SPDYE14: variants seen among roughly 807,000 people sequenced by gnomAD.
SPDYE14 encodes the protein speedy protein E14.
chr7:75,247,461 AAAAAGAGAAAG>A, the SPDYE14 span, among the ~76,000 whole-genome samples: 1 of 115,736 alleles, frequency 8.6e-6, no homozygotes, highest in Admixed American at 9.3e-5. Context: ...AGAAAGAAAG[AAAAAGAGAAAG>A]AAAGAAAGAA....
the SPDYE14 span, among the ~76,000 whole-genome samples, chr7:75,262,818 C>CAACA: frequency 7.9e-5 from 4 of 50,752 alleles, 2 homozygotes; most frequent in Non-Finnish European, 1.9e-4. Flanking sequence ...TCTGTCTCAA[C>CAACA]AACAAACAAA....
At chr7:75,268,894 AAAG>A in the SPDYE14 span, among the ~76,000 whole-genome samples, 1 of 22,132 alleles carries the variant, frequency 4.5e-5, no homozygotes, top group African/African-American at 9.1e-5. Flanking sequence ...AGAGAGAGAG[AAAG>A]GAAATGGCCA....
the SPDYE14 span, among the ~76,000 whole-genome samples, chr7:75,266,149 C>CTTTTTT: frequency 2.0e-4 from 2 of 10,146 alleles, no homozygotes; most frequent in Admixed American, 1.6e-3. Context: ...CTTTCTTTTC[C>CTTTTTT]TTTTTTTTTT....
the SPDYE14 span, among the ~76,000 whole-genome samples, chr7:75,240,675 G>T: frequency 3.2e-5 from 2 of 62,886 alleles, 1 homozygote; most frequent in African/African-American, 9.0e-5. Context: ...CTAAAGGCAA[G>T]ATTTGGCTAG....
chr7:75,260,237 C>T, the SPDYE14 span, among the ~76,000 whole-genome samples: 111 of 23,002 alleles, frequency 4.8e-3, 49 homozygotes, highest in African/African-American at 0.011. Context: ...CTCAGCCTCC[C>T]GAGTAGCTGG....
At chr7:75,251,091 C>A in the SPDYE14 span, among the ~76,000 whole-genome samples, 2 of 53,624 alleles carry the variant, frequency 3.7e-5, 1 homozygote. Flanking sequence ...TCTTCTTGGG[C>A]TCTTCTTGGC....
chr7:75,273,103 C>T, the SPDYE14 span, among the ~76,000 whole-genome samples: 4 of 59,408 alleles, frequency 6.7e-5, 1 homozygote, highest in Admixed American at 5.0e-4. Context: ...CTCTCTCATC[C>T]TCTTGCTCTG....
the SPDYE14 span, among the ~76,000 whole-genome samples, chr7:75,279,556 A>G: frequency 4.2e-5 from 1 of 23,916 alleles, no homozygotes; most frequent in Non-Finnish European, 9.1e-5. Flanking sequence ...GATTCACGCC[A>G]TTCTCCTGCC....
chr7:75,279,484 C>G, the SPDYE14 span, among the ~76,000 whole-genome samples: 2 of 117,304 alleles, frequency 1.7e-5, 1 homozygote, highest in South Asian at 5.8e-4. Flanking sequence ...GAGTCTCACT[C>G]TTGTAGCCCA....
chr7:75,247,531 GAAA>G, the SPDYE14 span, among the ~76,000 whole-genome samples: 2 of 109,828 alleles, frequency 1.8e-5, no homozygotes, highest in African/African-American at 5.5e-5. Context: ...AAAGAAGAAA[GAAA>G]AAGCAGGAAG....
At chr7:75,265,310 T>C in the SPDYE14 span, among the ~76,000 whole-genome samples, 39 of 92,428 alleles carry the variant, frequency 4.2e-4, no homozygotes, top group Admixed American at 7.7e-4. Context: ...GGTTTCATGA[T>C]GTTGGTCAGG....
At chr7:75,258,153 CTTTT>C in the SPDYE14 span, among the ~76,000 whole-genome samples, 2 of 55,828 alleles carry the variant, frequency 3.6e-5, 1 homozygote, top group Non-Finnish European at 8.9e-5. Flanking sequence ...TTCTTTCTTT[CTTTT>C]TTATTATACT....
chr7:75,265,308 G>A, the SPDYE14 span, among the ~76,000 whole-genome samples: 25 of 88,204 alleles, frequency 2.8e-4, no homozygotes, highest in African/African-American at 8.8e-4. Context: ...AGGGTTTCAT[G>A]ATGTTGGTCA....
At chr7:75,275,250 G>A in the SPDYE14 span, among the ~76,000 whole-genome samples, 27 of 50,568 alleles carry the variant, frequency 5.3e-4, 3 homozygotes, top group African/African-American at 1.2e-3. Flanking sequence ...CATTGAGAAC[G>A]GGCCAGGATG....
chr7:75,266,106 T>C, the SPDYE14 span, among the ~76,000 whole-genome samples: 2 of 71,240 alleles, frequency 2.8e-5, no homozygotes, highest in African/African-American at 9.1e-5. Flanking sequence ...TGTTTTTGAT[T>C]TGAGGACTTG....
chr7:75,266,148 C>T, the SPDYE14 span, among the ~76,000 whole-genome samples: 2 of 22,748 alleles, frequency 8.8e-5, no homozygotes, highest in Admixed American at 7.7e-4. Context: ...TCTTTCTTTT[C>T]CTTTTTTTTT....
At chr7:75,237,744 C>CA in the SPDYE14 span, 1 of 113,886 alleles carries the variant, frequency 8.8e-6, no homozygotes, top group Non-Finnish European at 2.1e-5. Context: ...TGCGCATGCG[C>CA]GGCCCGCGCG....
At chr7:75,249,576 TC>T in the SPDYE14 span, among the ~76,000 whole-genome samples, 34 of 109,978 alleles carry the variant, frequency 3.1e-4, no homozygotes, top group Non-Finnish European at 5.3e-4. Context: ...CTTCCTTCCT[TC>T]TTTCCTTCCT....
At chr7:75,267,759 C>CA in the SPDYE14 span, among the ~76,000 whole-genome samples, 2 of 115,046 alleles carry the variant, frequency 1.7e-5, no homozygotes, top group East Asian at 4.0e-4. Context: ...TTTATTTAGA[C>CA]AGAGTCTTGC....
Sources: gnomAD v4.1 joint callset for allele counts (sites outside exome capture counted in the v4.1 genomes callset) on GRCh38, gnomAD v4.1.1 for gene constraint, MANE v1.5 for transcripts, NCBI Gene and HGNC (gene_info 2026-07-23, HGNC 2026-07-21) for gene names.